The following SLC2A1 variants were observed in gnomAD, a reference collection of about 807,000 sequenced individuals.
The protein encoded by SLC2A1 is solute carrier family 2, facilitated glucose transporter member 1.
Under a neutral mutation model 46.6 loss-of-function variants are expected in SLC2A1, and 4 were observed. The ratio of observed to expected loss-of-function variants is 0.09; its 90% confidence interval spans 0.04 to 0.20. SLC2A1 has a LOEUF of 0.20. Ranked by LOEUF, SLC2A1 falls within the 10% of genes least tolerant of loss-of-function variation. The probability of loss-of-function intolerance (pLI) is 1.00; values close to 1 mark genes in which losing one functional copy is unlikely to be tolerated. For missense variants in SLC2A1, 352 were observed against 667.0 expected (o/e 0.53, Z 5.20); for synonymous variants, 253 against 270.0 (o/e 0.94, Z 0.62).
rs1281611330 is a variant in SLC2A1 at position 42,925,620 on chromosome 1, G to A, written c.*1421C>T. 1 of 152,262 alleles carries A rather than the reference G, an allele frequency of 6.6e-6. No individual in the cohort carries two copies. The highest frequency in any genetic ancestry group is 1.5e-5 in the Non-Finnish European group (1 of 68,056). 9.4% of individuals were successfully genotyped at this position (152,262 alleles called of 1,614,324 possible). A position where few individuals can be genotyped will look rare whatever the true frequency, so the allele number is the denominator to read the frequency against. ...AGCAGTAGTATACAGAGGAACCAGA[G>A]GGGGCAATTCCAAATGAAATGAACA... is the stretch of plus-strand genomic sequence containing the variant. On this transcript the variant is annotated 3_prime_UTR_variant, in exon 10 of 10. Coordinates refer to ENST00000426263, the MANE Select transcript of SLC2A1 (RefSeq NM_006516.4).
chr1:42,958,261 G>A (rs80200046), intron 1 of SLC2A1, among the ~76,000 whole-genome samples: 21,855 of 151,316 alleles, frequency 0.14, 1,790 homozygotes, highest in South Asian at 0.19. Context: ...CCCCCGCACC[G>A]GGAGGGGCCG....
In SLC2A1 at chr1:42,929,569, G is replaced by A. The variant is rs1643464922; in HGVS notation, c.867+24C>T. On this transcript the variant is annotated intron_variant, in intron 6 of 9. Coordinates refer to ENST00000426263, the MANE Select transcript of SLC2A1 (RefSeq NM_006516.4). The surrounding 1 kb of genome is among the most constrained non-coding windows in gnomAD (Gnocchi z 6.0). ...GACCAGAGGGCTTGGCTGGGGCACA[G>A]GAAGGGTGGGTGGGGGCACTCACAG... is the stretch of plus-strand genomic sequence containing the variant. The A allele has an allele frequency of 6.2e-7, 1 of 1,602,772 alleles. No homozygotes were observed. The highest frequency in any genetic ancestry group is 1.3e-5 in the African/African-American group (1 of 74,788).
rs562629405 is a variant in SLC2A1 at position 42,933,340 on chromosome 1, AT to A, written c.115-2135del. 4.6e-5 allele frequency among the ~76,000 whole-genome samples: 7 copies of A among 152,046 alleles called. No homozygotes were observed. In the East Asian group the frequency reaches 1.2e-3, roughly 25 times the overall value. On this transcript the variant is annotated intron_variant, in intron 2 of 9. Transcript: ENST00000426263. ...TCTCCCACCCCTCTACGCCTTTGAG[AT>A]GCTACTACTCCTGCCTGGAAGGTAC...
rs1373971156 is a variant in SLC2A1 at position 42,954,468 on chromosome 1, T to C, written c.18+4166A>G. 1.3e-5 allele frequency among the ~76,000 whole-genome samples: 2 copies of C among 152,220 alleles called. No individual in the cohort carries two copies. Among genetic ancestry groups the C allele is most frequent in the African/African-American group, 4.8e-5 (2 of 41,464 alleles). On this transcript the variant is annotated intron_variant, in intron 1 of 9. Transcript: ENST00000426263. This position sits in a 1 kb window ranked among gnomAD's most constrained non-coding sequence, Gnocchi z 4.2. ...AGAACCTGGGAGGCGAAGGTTGTGG[T>C]GAGCTGAGATTGTGTCATGGCACTC...
intron 1 of SLC2A1, among the ~76,000 whole-genome samples, chr1:42,956,029 T>A (rs1202726519): frequency 6.6e-6 from 1 of 152,144 alleles, no homozygotes; most frequent in Non-Finnish European, 1.5e-5. Context: ...AGGCAAGCGA[T>A]ATGACCTCCC....
chr1:42,943,703 C>A (rs1557651398), intron 1 of SLC2A1, among the ~76,000 whole-genome samples: 1 of 151,982 alleles, frequency 6.6e-6, no homozygotes, highest in Non-Finnish European at 1.5e-5. Context: ...TGCGAGGGGG[C>A]CCAAATTACT....
chr1:42,949,067 CAAAAAAA>C (rs370563756), intron 1 of SLC2A1, among the ~76,000 whole-genome samples: 2 of 107,076 alleles, frequency 1.9e-5, no homozygotes, highest in African/African-American at 6.9e-5. Flanking sequence ...GACTCTGTCT[CAAAAAAA>C]AAAAAAAAAA....
In SLC2A1 at chr1:42,958,634, C is replaced by T. The variant is rs577329624; in HGVS notation, c.18G>A (p.Lys6=). MEPSS[K]KLTGRLMLAV... ...GAGGGCCCGCGGGCGCGCGACTCAC[C>T]TTGCTGCTGGGCTCCATGGCAGCGC... Residue 6 remains lysine (K), a splice_region_variant and synonymous_variant, in exon 1 of 10, where the codon AAG becomes AAA. Coordinates refer to ENST00000426263, the MANE Select transcript of SLC2A1 (RefSeq NM_006516.4). 1.8e-5 allele frequency: 27 copies of T among 1,530,104 alleles called. No individual in the cohort carries two copies. The African/African-American group carries it at 3.1e-4, about 17-fold the overall frequency. 94.8% of individuals were successfully genotyped at this position (1,530,104 alleles called of 1,614,324 possible).
Position 42,929,172 on chromosome 1 carries a change from T to C in SLC2A1, c.972+38A>G. The C allele has an allele frequency of 6.3e-7, 1 of 1,585,234 alleles. No individual in the cohort carries two copies. The highest frequency in any genetic ancestry group is 8.7e-7 in the Non-Finnish European group (1 of 1,153,944). On this transcript the variant is annotated intron_variant, in intron 7 of 9. Coordinates refer to ENST00000426263, the MANE Select transcript of SLC2A1 (RefSeq NM_006516.4). This position sits in a 1 kb window ranked among gnomAD's most constrained non-coding sequence, Gnocchi z 6.0. The stretch of plus-strand genomic sequence containing the variant: ...GGGGAAGATGGCACTGCCTCCTCCC[T>C]GGGGTTTGGCTGGGGGGGCCAGTAA...
rs1406588643 is a variant in SLC2A1, at chr1:42,953,805, G to A, written c.18+4829C>T. Among the ~76,000 whole-genome samples the A allele has an allele frequency of 2.6e-5, 4 of 152,168 alleles. No individual in the cohort carries two copies. The East Asian group carries it at 7.7e-4, about 29-fold the overall frequency. ...GGGGATTTGAGGCTGGCCCAGCTCC[G>A]GGGCAAATAGGGTCGAATCCCTGGA... On this transcript the variant is annotated intron_variant, in intron 1 of 9. Coordinates refer to ENST00000426263, the MANE Select transcript of SLC2A1 (RefSeq NM_006516.4).
intron 2 of SLC2A1, among the ~76,000 whole-genome samples, 155 bp from the exon 3 acceptor site, chr1:42,931,361 G>A (rs1018530875): frequency 9.9e-5 from 15 of 152,160 alleles, no homozygotes; most frequent in Admixed American, 2.6e-4. Flanking sequence ...CTATTTTTGT[G>A]GGCCTCACTT....
In SLC2A1 at chr1:42,929,515, A is replaced by G. The variant is rs750567239; in HGVS notation, c.867+78T>C. The G allele has an allele frequency of 3.5e-6, 5 of 1,425,256 alleles. No individual in the cohort carries two copies. The East Asian group carries it at 9.1e-5, about 26-fold the overall frequency. 88.3% of individuals were successfully genotyped at this position (1,425,256 alleles called of 1,614,324 possible). A position where few individuals can be genotyped will look rare whatever the true frequency, so the allele number is the denominator to read the frequency against. ...CGGCAGAGGCGTATCTGTTGTTTCA[A>G]GTTTGGGACTTGTTCACCATGCACA... On this transcript the variant is annotated intron_variant, in intron 6 of 9. Coordinates refer to ENST00000426263, the MANE Select transcript of SLC2A1 (RefSeq NM_006516.4). The surrounding 1 kb of genome is among the most constrained non-coding windows in gnomAD (Gnocchi z 6.0).
intron 1 of SLC2A1, among the ~76,000 whole-genome samples, chr1:42,950,493 G>A (rs1228977408): frequency 1.3e-5 from 2 of 152,236 alleles, no homozygotes; most frequent in African/African-American, 2.4e-5. Flanking sequence ...CCATGTGTGG[G>A]TGTGGGGCCA....
rs1384995963 is a variant in SLC2A1 at position 42,927,410 on chromosome 1, A to C, written c.1279-169T>G. 6.6e-6 allele frequency among the ~76,000 whole-genome samples: 1 copy of C among 152,178 alleles called. No homozygotes were observed. Among genetic ancestry groups the C allele is most frequent in the Non-Finnish European group, 1.5e-5 (1 of 68,014 alleles). ...ACCACGCTTGTACCTAGAATGTAAC[A>C]GGCTCCAGGAGCACCATTCAAGGCT... is the stretch of plus-strand genomic sequence containing the variant. On this transcript the variant is annotated intron_variant, in intron 9 of 9. Transcript: ENST00000426263. This position sits in a 1 kb window ranked among gnomAD's most constrained non-coding sequence, Gnocchi z 5.3.
At position 42,927,814 on chromosome 1, in the gene SLC2A1, G is replaced by C; in HGVS notation, c.1075-6C>G. ...GACATCCAGGGTAGCTGCTCCTGTT[G>C]AGGATGACGGAGAGGGGGAAAAGTT... On this transcript the variant is annotated splice_region_variant and splice_polypyrimidine_tract_variant and intron_variant, in intron 8 of 9. Transcript: ENST00000426263. The surrounding 1 kb of genome is among the most constrained non-coding windows in gnomAD (Gnocchi z 5.3). 1 of 1,607,284 alleles carries C rather than the reference G, an allele frequency of 6.2e-7. No homozygotes were observed. The highest frequency in any genetic ancestry group is 8.5e-7 in the Non-Finnish European group (1 of 1,176,078).
At chr1:42,932,475 T>C (rs1312063570) in intron 2 of SLC2A1, among the ~76,000 whole-genome samples, 1 of 152,156 alleles carries the variant, frequency 6.6e-6, no homozygotes, top group Non-Finnish European at 1.5e-5. Flanking sequence ...AGAATCTAAA[T>C]ATTCCTGCTT....
intron 1 of SLC2A1, among the ~76,000 whole-genome samples, chr1:42,946,474 T>A (rs1643656644): frequency 6.6e-6 from 1 of 152,040 alleles, no homozygotes; most frequent in African/African-American, 2.4e-5. Flanking sequence ...GCTAGTGTGG[T>A]CTGGGCTTCA....
intron 2 of SLC2A1, among the ~76,000 whole-genome samples, chr1:42,936,360 T>A (rs114600670): frequency 6.6e-6 from 1 of 152,310 alleles, no homozygotes; most frequent in African/African-American, 2.4e-5. Flanking sequence ...TGTCTTCCAG[T>A]TGGGGCTGGC....
At chr1:42,936,496 C>A (rs1643543729) in intron 2 of SLC2A1, among the ~76,000 whole-genome samples, 1 of 152,166 alleles carries the variant, frequency 6.6e-6, no homozygotes, top group African/African-American at 2.4e-5. Context: ...ACAGATAACC[C>A]TGCCCACTGG....
Sources: allele counts gnomAD v4.1 joint callset (sites outside exome capture counted in the v4.1 genomes callset), GRCh38; gene constraint gnomAD v4.1.1; non-coding constraint Gnocchi (gnomAD v3.1); transcripts MANE v1.5; gene names NCBI Gene and HGNC (gene_info 2026-07-23, HGNC 2026-07-21).